STARD13: variants seen among roughly 807,000 people sequenced by gnomAD.
STARD13 encodes the protein StAR related lipid transfer domain containing 13.
A neutral mutation model predicts 106.4 loss-of-function variants in STARD13; 62 were observed. The ratio of observed to expected loss-of-function variants is 0.58; its 90% CI spans 0.48 to 0.72. The LOEUF is 0.72. Among genes scored for constraint, STARD13 ranks in the 30% least tolerant of loss-of-function variants. STARD13 has a pLI of 0.00. For missense variants in STARD13, 1,387 were observed against 1,424.0 expected (o/e 0.97, Z 0.42); for synonymous variants, 565 against 553.0 (o/e 1.02, Z -0.31).
the STARD13 span, among the ~76,000 whole-genome samples, chr13:33,579,429 G>A: frequency 6.6e-6 from 1 of 152,054 alleles, no homozygotes; most frequent in Middle Eastern, 3.4e-3. Flanking sequence ...ACATATAGGT[G>A]GGAGCTAAGC....
intron 1 of STARD13, among the ~76,000 whole-genome samples, chr13:33,301,248 G>A (rs958181937): frequency 6.6e-6 from 1 of 152,140 alleles, no homozygotes; most frequent in Non-Finnish European, 1.5e-5. Context: ...TAGGAAGGAT[G>A]GTATTTTCAC....
the STARD13 span, among the ~76,000 whole-genome samples, chr13:33,429,413 G>C: frequency 1.3e-5 from 2 of 152,170 alleles, no homozygotes; most frequent in Non-Finnish European, 2.9e-5. Context: ...TGGCTAATAC[G>C]GTGAAACCCC....
chr13:33,364,101 A>G, the STARD13 span, among the ~76,000 whole-genome samples: 1 of 152,146 alleles, frequency 6.6e-6, no homozygotes, highest in South Asian at 2.1e-4. Flanking sequence ...AATTTAAAAC[A>G]TTACTTAAGG....
At chr13:33,535,598 T>G in the STARD13 span, among the ~76,000 whole-genome samples, 1 of 152,184 alleles carries the variant, frequency 6.6e-6, no homozygotes, top group African/African-American at 2.4e-5. Context: ...TAATTAGAGA[T>G]ATAACAAAGG....
chr13:33,127,603 A>G, intron 5 of STARD13, 57 bp from the exon 6 acceptor site: 1 of 1,481,790 alleles, frequency 6.7e-7, no homozygotes, highest in Non-Finnish European at 8.9e-7. Flanking sequence ...GTAGCGGGAA[A>G]CACGGGACAT....
At chr13:33,463,895 C>T in the STARD13 span, among the ~76,000 whole-genome samples, 1 of 151,686 alleles carries the variant, frequency 6.6e-6, no homozygotes, top group East Asian at 1.9e-4. Context: ...ACATGTAATC[C>T]CAGCTATCAG....
chr13:33,296,322 T>C (rs1892492014), intron 1 of STARD13, among the ~76,000 whole-genome samples: 1 of 152,146 alleles, frequency 6.6e-6, no homozygotes, highest in Non-Finnish European at 1.5e-5. Flanking sequence ...CATCACGCAA[T>C]GTATCTCTAT....
intron 1 of STARD13, among the ~76,000 whole-genome samples, chr13:33,191,027 C>G (rs1389938030): frequency 6.6e-6 from 1 of 152,068 alleles, no homozygotes; most frequent in Admixed American, 6.5e-5. Flanking sequence ...TACTCATTTC[C>G]AAAAAGATGT....
At chr13:33,572,384 C>G in the STARD13 span, among the ~76,000 whole-genome samples, 1 of 152,264 alleles carries the variant, frequency 6.6e-6, no homozygotes, top group South Asian at 2.1e-4. Flanking sequence ...AAGATGTAAC[C>G]AATCCAGCTG....
chr13:33,538,563 G>A, the STARD13 span, among the ~76,000 whole-genome samples: 1 of 151,830 alleles, frequency 6.6e-6, no homozygotes, highest in East Asian at 1.9e-4. Flanking sequence ...CCTTAGCCTA[G>A]CTTCCTAATA....
chr13:33,504,421 A>G, the STARD13 span, among the ~76,000 whole-genome samples: 18 of 152,250 alleles, frequency 1.2e-4, no homozygotes, highest in East Asian at 3.1e-3. Context: ...AAAACTATGC[A>G]CCCATTAAAA....
the STARD13 span, among the ~76,000 whole-genome samples, chr13:33,474,377 T>C: frequency 2.6e-5 from 4 of 152,204 alleles, no homozygotes; most frequent in African/African-American, 9.7e-5. Context: ...AGTTTAACCA[T>C]GTGAACATGT....
rs1887388967 is a variant in STARD13, at chr13:33,205,942, G to A, written c.170-38320C>T. 7.1e-6 allele frequency: 7 copies of A among 985,126 alleles called. No homozygotes were observed. In the South Asian group the frequency reaches 1.9e-4, roughly 26 times the overall value. The allele number at this position is 985,126 out of a possible 1,614,324, so 61.0% of individuals were successfully genotyped here. On this transcript the variant is annotated intron_variant, in intron 1 of 13. Coordinates refer to ENST00000336934, the MANE Select transcript of STARD13 (RefSeq NM_178006.4). Reference sequence around the variant, plus strand: ...ACTGACAGATGGTGCATCTGTCACCGAGTGTTTTCTCTTCGTTATCTCTGC... The same window carrying A: ...ACTGACAGATGGTGCATCTGTCACCAAGTGTTTTCTCTTCGTTATCTCTGC...
At chr13:33,482,940 T>C in the STARD13 span, among the ~76,000 whole-genome samples, 1 of 152,170 alleles carries the variant, frequency 6.6e-6, no homozygotes, top group Non-Finnish European at 1.5e-5. Flanking sequence ...GAAAATCAGG[T>C]AGGAGGGAGG....
At chr13:33,579,627 T>C in the STARD13 span, among the ~76,000 whole-genome samples, 1 of 149,878 alleles carries the variant, frequency 6.7e-6, no homozygotes. Flanking sequence ...AAAAAGCTAT[T>C]GAAATATCAT....
At chr13:33,500,725 C>A in the STARD13 span, among the ~76,000 whole-genome samples, 2 of 152,138 alleles carry the variant, frequency 1.3e-5, no homozygotes, top group East Asian at 3.9e-4. Flanking sequence ...CAAGAGCTGC[C>A]AAGTATTATT....
At chr13:33,440,257 C>T in the STARD13 span, among the ~76,000 whole-genome samples, 6 of 142,220 alleles carry the variant, frequency 4.2e-5, no homozygotes, top group East Asian at 2.0e-4. Context: ...CCAGCCTGGG[C>T]GACAGAACGA....
At chr13:33,673,532 C>CT in the STARD13 span, among the ~76,000 whole-genome samples, 1 of 148,326 alleles carries the variant, frequency 6.7e-6, no homozygotes, top group African/African-American at 2.6e-5. Context: ...TAGATGGAAG[C>CT]AGTCAGAACT....
intron 1 of STARD13, among the ~76,000 whole-genome samples, chr13:33,294,966 T>C (rs1226852385): frequency 2.0e-5 from 3 of 152,168 alleles, no homozygotes; most frequent in Non-Finnish European, 2.9e-5. Flanking sequence ...ATTACGATTG[T>C]CTGCTGACCT....
Sources: allele counts gnomAD v4.1 joint callset (sites outside exome capture counted in the v4.1 genomes callset), GRCh38; gene constraint gnomAD v4.1.1; transcripts MANE v1.5; gene names NCBI Gene and HGNC (gene_info 2026-07-23, HGNC 2026-07-21).